The following HOATZ variants were observed in gnomAD, a reference collection of about 807,000 sequenced individuals.
The protein encoded by HOATZ is HOATZ cilia and flagella associated protein, also known as cilia- and flagella-associated protein HOATZ.
HOATZ carries 26 observed loss-of-function variants against 24.9 expected under a neutral mutation model. The observed-to-expected ratio is 1.04, with a 90% CI of 0.76 to 1.45. The LOEUF (loss-of-function observed/expected upper bound fraction) is 1.45. Ranked by LOEUF, HOATZ falls within the 40% of genes most tolerant of loss-of-function variation. HOATZ has a pLI of 0.00. For missense variants in HOATZ, 226 were observed against 201.5 expected (o/e 1.12, Z -0.74); for synonymous variants, 83 against 76.6 (o/e 1.08, Z -0.43).
chr11:111,536,607 C>T (rs1867453177), intron 5 of HOATZ, 163 bp from the exon 6 acceptor site: 2 of 593,658 alleles, frequency 3.4e-6, no homozygotes, highest in Admixed American at 2.6e-5. Flanking sequence ...ATCATAACCA[C>T]TTCTCTCACA....
At chr11:111,532,987 A>G (rs1312652543) in intron 3 of HOATZ, among the ~76,000 whole-genome samples, 1 of 152,220 alleles carries the variant, frequency 6.6e-6, no homozygotes, top group African/African-American at 2.4e-5. Context: ...AATGGAACCT[A>G]TATTTGCCTA....
In HOATZ at chr11:111,516,181, T is replaced by C. The variant is rs527437968; in HGVS notation, c.339+71T>C. On this transcript the variant is annotated intron_variant, in intron 3 of 5. Coordinates refer to ENST00000375618, the MANE Select transcript of HOATZ (RefSeq NM_001100388.2). Reference sequence around the variant, plus strand: ...AAATAATCTTGATTTTTTAAACACATGTATATTTAAAAATCTGCTACTTCT... The same window carrying C: ...AAATAATCTTGATTTTTTAAACACACGTATATTTAAAAATCTGCTACTTCT... The C allele has an allele frequency of 4.2e-5, 40 of 952,380 alleles. No homozygotes were observed. In the Middle Eastern group the frequency reaches 1.1e-3, roughly 25 times the overall value. The allele number at this position is 952,380 out of a possible 1,614,324, so 59.0% of individuals were successfully genotyped here. A position where few individuals can be genotyped will look rare whatever the true frequency, so the allele number is the denominator to read the frequency against.
At position 111,516,028 on chromosome 11, in the gene HOATZ, T is replaced by G; in HGVS notation, c.269-12T>G. 1 of 1,516,260 alleles carries G rather than the reference T, an allele frequency of 6.6e-7. No homozygotes were observed. The highest frequency in any genetic ancestry group is 9.0e-7 in the Non-Finnish European group (1 of 1,110,850). The allele number at this position is 1,516,260 out of a possible 1,614,324, so 93.9% of individuals were successfully genotyped here. ...AATTATTTCAGATTGAATTTGACTT[T>G]ATTCCCTCTAGAAAATAGAGACATC... On this transcript the variant is annotated splice_polypyrimidine_tract_variant and intron_variant, in intron 2 of 5. Coordinates refer to ENST00000375618, the MANE Select transcript of HOATZ (RefSeq NM_001100388.2).
intron 3 of HOATZ, among the ~76,000 whole-genome samples, chr11:111,523,560 T>A (rs920062403): frequency 6.6e-6 from 1 of 152,176 alleles, no homozygotes; most frequent in Admixed American, 6.5e-5. Flanking sequence ...ACAATGAGAA[T>A]CAACTGTACT....
At chr11:111,516,870 G>A (rs1867211388) in intron 3 of HOATZ, among the ~76,000 whole-genome samples, 2 of 152,222 alleles carry the variant, frequency 1.3e-5, no homozygotes. Context: ...GCTGAGCACA[G>A]TTCTCTTTCT....
intron 3 of HOATZ, among the ~76,000 whole-genome samples, chr11:111,530,364 C>G (rs1225284185): frequency 1.3e-5 from 2 of 152,140 alleles, no homozygotes; most frequent in Non-Finnish European, 2.9e-5. Context: ...GTATTTGACT[C>G]TACTAATACA....
rs570025772 is a variant in HOATZ at position 111,532,474 on chromosome 11, G to C, written c.340-1272G>C. The stretch of plus-strand genomic sequence containing the variant: ...CCTCCTAAGACAATTGCCACGTGAA[G>C]ACAGACACACAGAGAGAATGCCATG... On this transcript the variant is annotated intron_variant, in intron 3 of 5. Coordinates refer to ENST00000375618, the MANE Select transcript of HOATZ (RefSeq NM_001100388.2). 5.3e-5 allele frequency among the ~76,000 whole-genome samples: 8 copies of C among 152,272 alleles called. No individual in the cohort carries two copies. In the South Asian group the frequency reaches 1.5e-3, roughly 28 times the overall value.
intron 1 of HOATZ, among the ~76,000 whole-genome samples, 185 bp from the exon 2 acceptor site, chr11:111,515,326 G>A (rs1867173906): frequency 6.6e-6 from 1 of 152,156 alleles, no homozygotes; most frequent in African/African-American, 2.4e-5. Context: ...ATTCAAACAT[G>A]AAAAGCCCTG....
chr11:111,519,588 C>T (rs1047717386), intron 3 of HOATZ, among the ~76,000 whole-genome samples: 1 of 152,080 alleles, frequency 6.6e-6, no homozygotes, highest in East Asian at 1.9e-4. Context: ...TTTCCTAAAT[C>T]GATAATGTTG....
Position 111,516,078 on chromosome 11 carries a change from G to A in HOATZ, c.307G>A (p.Glu103Lys). The A allele has an allele frequency of 6.2e-7, 1 of 1,600,430 alleles. No individual in the cohort carries two copies. Among genetic ancestry groups the A allele is most frequent in the South Asian group, 1.1e-5 (1 of 87,906 alleles). ...DIFAEALKIQ[E>K]SEEKVKYLQK... ...CTTTGCCGAAGCCCTAAAGATACAG[G>A]AATCTGAGGAGAAAGTAAAGTATCT... The change falls in exon 3 of 6, where the codon GAA (glutamate) becomes AAA (lysine). Residue 103 changes from glutamate to lysine, a missense_variant. Physicochemically the swap from Glu to Lys is moderately conservative, Grantham distance 56 (BLOSUM62 1). Transcript: ENST00000375618.
chr11:111,516,180 A>G (rs766568527), intron 3 of HOATZ, 70 bp downstream of exon 3: 11 of 949,380 alleles, frequency 1.2e-5, no homozygotes, highest in Non-Finnish European at 1.8e-5. Flanking sequence ...TTTTAAACAC[A>G]TGTATATTTA....
intron 1 of HOATZ, 43 bp downstream of exon 1, chr11:111,515,053 C>T (rs113945669): frequency 2.1e-6 from 3 of 1,431,802 alleles, no homozygotes; most frequent in Admixed American, 1.7e-5. Context: ...TCTGCCTCAC[C>T]GTAACTGGCC....
intron 2 of HOATZ, 62 bp downstream of exon 2, chr11:111,515,614 A>C: frequency 7.4e-7 from 1 of 1,359,304 alleles, no homozygotes; most frequent in Non-Finnish European, 1.1e-6. Context: ...AAAATAGACA[A>C]TAAGTACAAG....
At chr11:111,534,724 C>A in intron 5 of HOATZ, 1 of 428,368 alleles carries the variant, frequency 2.3e-6, no homozygotes, top group Non-Finnish European at 4.2e-6. Flanking sequence ...TGCACATTCT[C>A]TGTCCCTCTC....
rs546329159 is a variant in HOATZ, at chr11:111,536,951, A to G, written c.*124A>G. 96 of 733,002 alleles carry G rather than the reference A, an allele frequency of 1.3e-4. No individual in the cohort carries two copies. Among genetic ancestry groups the G allele is most frequent in the Admixed American group, 2.1e-4 (9 of 42,718 alleles). The allele number at this position is 733,002 out of a possible 1,614,324, so 45.4% of individuals were successfully genotyped here. Reference sequence around the variant, plus strand: ...GTAGACAAAGAAATACAAGTTAAATACGCAGACTTCCAGGAATTTTACCAG... The same window carrying G: ...GTAGACAAAGAAATACAAGTTAAATGCGCAGACTTCCAGGAATTTTACCAG... On this transcript the variant is annotated 3_prime_UTR_variant, in exon 6 of 6. Transcript: ENST00000375618.
chr11:111,517,979 C>T (rs1867225163), intron 3 of HOATZ, among the ~76,000 whole-genome samples: 1 of 151,706 alleles, frequency 6.6e-6, no homozygotes, highest in Admixed American at 6.6e-5. Context: ...CCTGTCTTCT[C>T]CTATCACTCT....
chr11:111,516,198 G>T (rs913150696), intron 3 of HOATZ, 88 bp downstream of exon 3: 1 of 766,260 alleles, frequency 1.3e-6, no homozygotes, highest in Non-Finnish European at 2.1e-6. Context: ...TTAAAAATCT[G>T]CTACTTCTAG....
At chr11:111,523,126 C>T (rs1867289107) in intron 3 of HOATZ, among the ~76,000 whole-genome samples, 1 of 149,810 alleles carries the variant, frequency 6.7e-6, no homozygotes. Flanking sequence ...TGAGATTGAA[C>T]AAGATGATGT....
chr11:111,518,466 A>C (rs146155518), intron 3 of HOATZ, among the ~76,000 whole-genome samples: 1 of 152,342 alleles, frequency 6.6e-6, no homozygotes, highest in African/African-American at 2.4e-5. Flanking sequence ...TAAACTAAGC[A>C]ATTGACATAC....
Sources: allele counts gnomAD v4.1 joint callset (sites outside exome capture counted in the v4.1 genomes callset), GRCh38; gene constraint gnomAD v4.1.1; transcripts MANE v1.5; gene names NCBI Gene and HGNC (gene_info 2026-07-23, HGNC 2026-07-21).